TRPV6: variants seen among roughly 807,000 people sequenced by gnomAD.
TRPV6 encodes the protein Alu-binding protein with zinc finger domain.
In TRPV6, 39 loss-of-function variants were observed where a neutral mutation model predicts 79.0. The observed-to-expected ratio is 0.49, with a 90% CI of 0.38 to 0.64. The LOEUF (loss-of-function observed/expected upper bound fraction) is 0.64, where lower values mean the gene tolerates loss of function less well. Ranked by LOEUF, TRPV6 falls within the 30% of genes least tolerant of loss-of-function variation. TRPV6 has a pLI of 0.00. For missense variants in TRPV6, 813 were observed against 1,011.1 expected (o/e 0.80, Z 2.66); for synonymous variants, 373 against 391.9 (o/e 0.95, Z 0.57).
intron 3 of TRPV6, 68 bp downstream of exon 3, chr7:142,877,583 C>T (rs1159399067): frequency 1.9e-6 from 3 of 1,576,444 alleles, no homozygotes; most frequent in South Asian, 1.2e-5. Flanking sequence ...AATTATCCAT[C>T]ACAGAGACTG....
At chr7:142,876,311 G>A (rs1412543880) in intron 6 of TRPV6, 97 bp downstream of exon 6, 2 of 1,481,042 alleles carry the variant, frequency 1.4e-6, no homozygotes, top group African/African-American at 2.8e-5. Context: ...TGGGATCTAA[G>A]CATCAGGGAT....
At chr7:142,879,461 T>A (rs1390149154) in intron 1 of TRPV6, 1 of 152,238 alleles carries the variant, frequency 6.6e-6, no homozygotes, top group African/African-American at 2.4e-5. Context: ...GGTCTTTCTA[T>A]GGGAGTAAAT....
rs941713828 is a variant in TRPV6, at chr7:142,871,270, C to T, written c.*437G>A. 8.2e-5 allele frequency: 40 copies of T among 489,368 alleles called. No individual in the cohort carries two copies. The highest frequency in any genetic ancestry group is 1.3e-4 in the Admixed American group (4 of 29,992). The allele number at this position is 489,368 out of a possible 1,614,324, so 30.3% of individuals were successfully genotyped here. On this transcript the variant is annotated 3_prime_UTR_variant, in exon 15 of 15. Transcript: ENST00000359396. ...CAAGACCTAGCCCCACTTCCCACCC[C>T]CAGAGCCGTTCCTGTCTCCCTCACT...
In TRPV6 at chr7:142,875,772, TG is replaced by T. The variant is rs1236754973; in HGVS notation, c.1014del (p.Thr339ProfsTer15). On this transcript the variant is annotated frameshift_variant, in exon 7 of 15. Coordinates refer to ENST00000359396, the MANE Select transcript of TRPV6 (RefSeq NM_018646.6). LOFTEE classifies it high-confidence loss of function. ...ATGAGCCATACCTCCCGCTTCTTGG[TG>T]GTGATGATAAGTTCCAGCAGGGACT... 4 of 1,605,124 alleles carry T rather than the reference TG, an allele frequency of 2.5e-6. No homozygotes were observed. Among genetic ancestry groups the T allele is most frequent in the Non-Finnish European group, 3.4e-6 (4 of 1,175,206 alleles).
rs749118988 is a variant in TRPV6, at chr7:142,876,785, C to T, written c.660G>A (p.Arg220=). The T allele has an allele frequency of 8.1e-6, 13 of 1,613,986 alleles. No homozygotes were observed. In the South Asian group the frequency reaches 1.4e-4, roughly 18 times the overall value. The change falls in exon 5 of 15, where the codon CGG becomes CGA. Residue 220 remains arginine, a synonymous_variant. Coordinates refer to ENST00000359396, the MANE Select transcript of TRPV6 (RefSeq NM_018646.6). The stretch of plus-strand genomic sequence containing the variant: ...TGTCAGCTCCATGCTCAATGAGCAG[C>T]CGCACGATCTCCTCACTGTTCACAC...
chr7:142,873,649 G>A lies in TRPV6; in HGVS notation c.1707C>T (p.Ala569=). The stretch of plus-strand genomic sequence containing the variant: ...GGAACAGCTCGAAGGTGCTGAACAG[G>A]GCCATGGGGTAGTCGTAGAAGTGGC... Residue 569 remains alanine (A), a synonymous_variant, in exon 13 of 15, where the codon GCC becomes GCT. Transcript: ENST00000359396. This position sits in a 1 kb window ranked among gnomAD's most constrained non-coding sequence, Gnocchi z 4.8. 1 of 1,614,164 alleles carries A rather than the reference G, an allele frequency of 6.2e-7. No homozygotes were observed. The highest frequency in any genetic ancestry group is 8.5e-7 in the Non-Finnish European group (1 of 1,180,042).
At chr7:142,879,393 C>A (rs4987640) in intron 1 of TRPV6, 1 of 152,202 alleles carries the variant, frequency 6.6e-6, no homozygotes, top group African/African-American at 2.4e-5. Context: ...TTAGAACTTA[C>A]CCCAACTAAG....
At chr7:142,877,410 G>C (rs1795099398) in intron 3 of TRPV6, 131 bp from the exon 4 acceptor site, 2 of 1,494,336 alleles carry the variant, frequency 1.3e-6, no homozygotes, top group Non-Finnish European at 8.9e-7. Context: ...CGGGTGTTCA[G>C]GATTCCCAGG....
Position 142,871,434 on chromosome 7 carries a change from G to C in TRPV6, c.*273C>G, listed in dbSNP as rs1794922359. ...TGTTTTTAAAGTGCTCTGACATGCA[G>C]TGCTCCTGTCGGAAGGGTGATGAGC... On this transcript the variant is annotated 3_prime_UTR_variant, in exon 15 of 15. Transcript: ENST00000359396. 2.0e-6 allele frequency: 1 copy of C among 496,682 alleles called. No homozygotes were observed. Among genetic ancestry groups the C allele is most frequent in the African/African-American group, 1.9e-5 (1 of 52,026 alleles). 30.8% of individuals were successfully genotyped at this position (496,682 alleles called of 1,614,324 possible).
Position 142,875,614 on chromosome 7 carries a change from G to T in TRPV6, c.1096C>A (p.Arg366=). Residue 366 remains arginine (R), a synonymous_variant, in exon 8 of 15, where the codon CGG becomes AGG. Transcript: ENST00000359396. The stretch of plus-strand genomic sequence containing the variant: ...GCACCCAGCATGCAGAAGTACGGCC[G>T]CCCGTACCGCTTCCACTTGAGGCTC... 6.2e-7 allele frequency: 1 copy of T among 1,613,810 alleles called. No homozygotes were observed. The highest frequency in any genetic ancestry group is 8.5e-7 in the Non-Finnish European group (1 of 1,179,974).
intron 8 of TRPV6, 146 bp from the exon 9 acceptor site, chr7:142,875,310 G>C: frequency 9.8e-6 from 12 of 1,220,340 alleles, no homozygotes; most frequent in Non-Finnish European, 1.4e-5. Flanking sequence ...CAGAGTAAGA[G>C]CGTATGTGTG....
chr7:142,885,361 G>T, intron 1 of TRPV6, 28 bp downstream of exon 1: 1 of 1,593,614 alleles, frequency 6.3e-7, no homozygotes, highest in Non-Finnish European at 8.6e-7. Context: ...GGGGAGGTGG[G>T]GAAGGGAGCA....
intron 7 of TRPV6, 30 bp downstream of exon 7, chr7:142,875,728 C>A (rs1306276264): frequency 6.9e-6 from 11 of 1,598,040 alleles, no homozygotes; most frequent in Non-Finnish European, 9.4e-6. Flanking sequence ...ACACCCCTCC[C>A]CAGCCACAGC....
chr7:142,875,964 GAT>G lies in TRPV6; in HGVS notation c.883-62_883-61del, dbSNP rs564505038. ...GCAAAGGGGACGGTCACAGAGTGTG[GAT>G]AGGATGCATGTGCAGGAGGACGGCA... On this transcript the variant is annotated intron_variant, in intron 6 of 14. Coordinates refer to ENST00000359396, the MANE Select transcript of TRPV6 (RefSeq NM_018646.6). 92 of 1,511,544 alleles carry G rather than the reference GAT, an allele frequency of 6.1e-5. No individual in the cohort carries two copies. The East Asian group carries it at 2.0e-3, about 33-fold the overall frequency. 93.6% of individuals were successfully genotyped at this position (1,511,544 alleles called of 1,614,324 possible).
At position 142,872,083 on chromosome 7, in the gene TRPV6, C is replaced by T. The variant is rs545983332; in HGVS notation, c.2016-94G>A. 220 of 1,483,124 alleles carry T rather than the reference C, an allele frequency of 1.5e-4. No homozygotes were observed. In the African/African-American group the frequency reaches 2.5e-3, roughly 17 times the overall value. The allele number at this position is 1,483,124 out of a possible 1,614,324, so 91.9% of individuals were successfully genotyped here. On this transcript the variant is annotated intron_variant, in intron 14 of 14. Coordinates refer to ENST00000359396, the MANE Select transcript of TRPV6 (RefSeq NM_018646.6). Reference sequence around the variant, plus strand: ...TGTTATCCCCTGGTCCTCCCATCCCCGCCATTGCTGGCCTTTTCCCTTTTC... The same window carrying T: ...TGTTATCCCCTGGTCCTCCCATCCCTGCCATTGCTGGCCTTTTCCCTTTTC...
rs745459519 is a variant in TRPV6, at chr7:142,873,762, C to T, written c.1640-46G>A. On this transcript the variant is annotated intron_variant, in intron 12 of 14. Coordinates refer to ENST00000359396, the MANE Select transcript of TRPV6 (RefSeq NM_018646.6). This position sits in a 1 kb window ranked among gnomAD's most constrained non-coding sequence, Gnocchi z 4.8. ...AGGGTTACCATGGCAACCATGCAGA[C>T]GACCAGCCCACCCCGGGCTCTGCGT... 3.1e-5 allele frequency: 50 copies of T among 1,606,638 alleles called. No homozygotes were observed. Among genetic ancestry groups the T allele is most frequent in the South Asian group, 2.6e-4 (24 of 90,920 alleles).
rs1794934191 is a variant in TRPV6, at chr7:142,871,707, T to G, written c.2298A>C (p.Ter766CysextTer40). 6 of 1,585,254 alleles carry G rather than the reference T, an allele frequency of 3.8e-6. No individual in the cohort carries two copies. Among genetic ancestry groups the G allele is most frequent in the Non-Finnish European group, 5.2e-6 (6 of 1,162,556 alleles). ...CAGGAAGCGAAGTGAGAACACGCAG[T>G]CAGATCTGATATTCCCAGCTCTCCC... is the stretch of plus-strand genomic sequence containing the variant. Residue 766 changes from the stop codon to cysteine, a stop_lost, in exon 15 of 15, where the codon TGA becomes TGC. Transcript: ENST00000359396.
rs948236138 is a variant in TRPV6, at chr7:142,877,156, T to C, written c.593A>G (p.Asn198Ser). Reference sequence around the variant, plus strand: ...CCTGCTCTCACCAAAGTAGATGAGGTTGCAGGGACTACGGCGGAAGGCAGT... The same window carrying C: ...CCTGCTCTCACCAAAGTAGATGAGGCTGCAGGGACTACGGCGGAAGGCAGT... The change falls in exon 4 of 15, where the codon AAC becomes AGC. Residue 198 changes from asparagine to serine, a missense_variant. Around this residue, in one of 3 missense-constraint regions of TRPV6, gnomAD observed 555 missense variants for 631.0 expected, o/e 0.88. Coordinates refer to ENST00000359396, the MANE Select transcript of TRPV6 (RefSeq NM_018646.6). 1.2e-5 allele frequency: 19 copies of C among 1,613,990 alleles called. No individual in the cohort carries two copies. Among genetic ancestry groups the C allele is most frequent in the Middle Eastern group, 3.3e-4 (2 of 6,084 alleles).
intron 12 of TRPV6, 30 bp downstream of exon 12, chr7:142,874,046 C>G: frequency 6.2e-7 from 1 of 1,609,548 alleles, no homozygotes; most frequent in Non-Finnish European, 8.5e-7. Flanking sequence ...TCTTCCCTGC[C>G]ATGGCCCCTG....
Sources: allele counts gnomAD v4.1 joint callset, GRCh38; gene constraint gnomAD v4.1.1; regional missense constraint gnomAD v4.1.1; non-coding constraint Gnocchi (gnomAD v3.1); transcripts MANE v1.5; gene names NCBI Gene and HGNC (gene_info 2026-07-23, HGNC 2026-07-21).